Variants in CCSER1 observed in about 807,000 individuals in gnomAD.
The protein encoded by CCSER1 is serine-rich coiled-coil domain-containing protein 1.
Under a neutral mutation model 82.0 loss-of-function variants are expected in CCSER1, and 41 were observed. The ratio of observed to expected loss-of-function variants is 0.50; its 90% CI spans 0.39 to 0.65. The LOEUF (loss-of-function observed/expected upper bound fraction) is 0.65. CCSER1 is among the 30% of genes least tolerant of loss of function. The pLI, the probability that CCSER1 is intolerant of heterozygous loss-of-function variation, is 0.00. For synonymous variants in CCSER1, 414 were observed against 383.9 expected, an observed-to-expected ratio of 1.08 and a Z score of -0.92; for missense variants, 1,119 against 1,064.2, an observed-to-expected ratio of 1.05 and a Z score of -0.72.
chr4:91,031,913 T>A (rs987077651), intron 9 of CCSER1, among the ~76,000 whole-genome samples: 2 of 152,136 alleles, frequency 1.3e-5, no homozygotes, highest in African/African-American at 4.8e-5. Flanking sequence ...CATATAGACA[T>A]TTTTTCCTAA....
chr4:90,274,433 C>T (rs924670435), intron 1 of CCSER1, among the ~76,000 whole-genome samples: 4 of 150,808 alleles, frequency 2.7e-5, no homozygotes, highest in Non-Finnish European at 5.9e-5. Flanking sequence ...TGCTTAAATA[C>T]GTGTTATCTA....
At chr4:91,053,844 C>T (rs935897252) in intron 9 of CCSER1, among the ~76,000 whole-genome samples, 6 of 152,236 alleles carry the variant, frequency 3.9e-5, no homozygotes, top group Middle Eastern at 6.8e-3. Flanking sequence ...CTGTCTTGTT[C>T]TTTTTCTGTT....
intron 10 of CCSER1, among the ~76,000 whole-genome samples, chr4:91,116,699 A>T (rs997764747): frequency 1.3e-5 from 2 of 152,204 alleles, no homozygotes; most frequent in Admixed American, 6.5e-5. Flanking sequence ...AGAAAATTGC[A>T]GTTTAGGAAG....
chr4:90,767,162 A>G (rs897753815), intron 7 of CCSER1, among the ~76,000 whole-genome samples: 1 of 152,226 alleles, frequency 6.6e-6, no homozygotes, highest in African/African-American at 2.4e-5. Context: ...ATAGAAGGAC[A>G]TTTAAAAAAA....
intron 10 of CCSER1, among the ~76,000 whole-genome samples, chr4:91,350,570 T>A (rs1250192932): frequency 1.3e-5 from 2 of 152,082 alleles, no homozygotes; most frequent in African/African-American, 2.4e-5. Flanking sequence ...TTCACAGATA[T>A]TTTTCTTATA....
chr4:90,717,212 G>A (rs1476697135), intron 6 of CCSER1, among the ~76,000 whole-genome samples: 16 of 152,090 alleles, frequency 1.1e-4, no homozygotes, highest in Admixed American at 1.0e-3. Context: ...TATTTTAAGG[G>A]TTTTGGACCA....
intron 10 of CCSER1, among the ~76,000 whole-genome samples, chr4:91,347,102 T>C (rs1213407109): frequency 6.6e-6 from 1 of 152,154 alleles, no homozygotes; most frequent in Non-Finnish European, 1.5e-5. Flanking sequence ...TGTGGTATCA[T>C]TTAGAAGTTT....
chr4:91,019,574 C>A (rs1283139317), intron 9 of CCSER1, among the ~76,000 whole-genome samples: 2 of 152,086 alleles, frequency 1.3e-5, no homozygotes, highest in Non-Finnish European at 2.9e-5. Flanking sequence ...ACCTGTGCTT[C>A]CAGTTATGTT....
rs1395778797 is a variant in CCSER1, at chr4:90,604,683, ATG to A, written c.1725-23341_1725-23340del. 3.3e-5 allele frequency among the ~76,000 whole-genome samples: 5 copies of A among 152,100 alleles called. No individual in the cohort carries two copies. The East Asian group carries it at 9.6e-4, about 29-fold the overall frequency. On this transcript the variant is annotated intron_variant, in intron 5 of 10. Transcript: ENST00000509176. ...TTTATGTCTAGCTAAAGGTTTGTAA[ATG>A]CACCAATCAGCACTTCGTGTCTAGC... is the stretch of plus-strand genomic sequence containing the variant.
At chr4:91,175,381 C>A (rs1335385170) in intron 10 of CCSER1, among the ~76,000 whole-genome samples, 5 of 152,132 alleles carry the variant, frequency 3.3e-5, no homozygotes, top group Admixed American at 3.3e-4. Context: ...AGTTCCAGAT[C>A]CTTGAGGAAT....
intron 10 of CCSER1, among the ~76,000 whole-genome samples, chr4:91,466,944 G>T (rs1756948815): frequency 6.6e-6 from 1 of 152,146 alleles, no homozygotes; most frequent in Non-Finnish European, 1.5e-5. Flanking sequence ...GTAATTTATA[G>T]ATTCAATGCC....
At chr4:90,610,879 TTTG>T (rs1288659691) in intron 5 of CCSER1, among the ~76,000 whole-genome samples, 2 of 152,028 alleles carry the variant, frequency 1.3e-5, no homozygotes, top group African/African-American at 4.8e-5. Flanking sequence ...ATATTCTTTT[TTTG>T]TTGTTGTTTC....
intron 8 of CCSER1, among the ~76,000 whole-genome samples, chr4:90,859,405 C>A (rs1038284937): frequency 1.3e-5 from 2 of 151,904 alleles, no homozygotes; most frequent in East Asian, 1.9e-4. Context: ...AGTAATTGCT[C>A]TCTTTATGGG....
At chr4:90,943,728 AATTTT>A (rs1731871123) in intron 9 of CCSER1, among the ~76,000 whole-genome samples, 4 of 77,622 alleles carry the variant, frequency 5.2e-5, no homozygotes, top group African/African-American at 1.3e-4. Flanking sequence ...GTGCCAGGCT[AATTTT>A]TTTTTTTTTT....
chr4:91,584,468 G>A (rs1305157674), intron 10 of CCSER1, among the ~76,000 whole-genome samples: 1 of 151,480 alleles, frequency 6.6e-6, no homozygotes, highest in East Asian at 1.9e-4. Flanking sequence ...AAAACACCCT[G>A]ATGCTGTGCA....
At chr4:91,026,722 G>C (rs185828549) in intron 9 of CCSER1, among the ~76,000 whole-genome samples, 346 of 152,040 alleles carry the variant, frequency 2.3e-3, no homozygotes, top group African/African-American at 7.0e-3. Context: ...CACTTATTCT[G>C]TAAGTACTTT....
At chr4:90,384,571 C>T (rs1749721523) in intron 3 of CCSER1, among the ~76,000 whole-genome samples, 1 of 151,950 alleles carries the variant, frequency 6.6e-6, no homozygotes, top group African/African-American at 2.4e-5. Flanking sequence ...ATCTGAGTAT[C>T]TTACATTCTG....
chr4:91,457,406 C>A (rs1453070600), intron 10 of CCSER1, among the ~76,000 whole-genome samples: 1 of 152,070 alleles, frequency 6.6e-6, no homozygotes, highest in African/African-American at 2.4e-5. Context: ...GTGGCTCATG[C>A]CTGTACTCCC....
chr4:90,654,930 A>C (rs2149065410), intron 6 of CCSER1, among the ~76,000 whole-genome samples: 1 of 152,196 alleles, frequency 6.6e-6, no homozygotes, highest in Admixed American at 6.5e-5. Flanking sequence ...AGAAATTTTA[A>C]TTTCAGTAAA....
Sources: allele counts gnomAD v4.1 joint callset (sites outside exome capture counted in the v4.1 genomes callset), GRCh38; gene constraint gnomAD v4.1.1; transcripts MANE v1.5; gene names NCBI Gene and HGNC (gene_info 2026-07-23, HGNC 2026-07-21).